AFG2A: variants seen among roughly 807,000 people sequenced by gnomAD.
The protein encoded by AFG2A is ATPase family gene 2 protein homolog A.
chr4:123,038,871 T>C, the AFG2A span, among the ~76,000 whole-genome samples: 2 of 152,144 alleles, frequency 1.3e-5, no homozygotes, highest in African/African-American at 4.8e-5. Context: ...CCACAGGTCC[T>C]GTAGTCCACC....
the AFG2A span, among the ~76,000 whole-genome samples, chr4:123,266,322 T>C: frequency 6.6e-6 from 1 of 151,938 alleles, no homozygotes. Flanking sequence ...ATAAGAGAGG[T>C]CCTTAACTTC....
At chr4:123,210,764 G>A in the AFG2A span, among the ~76,000 whole-genome samples, 2 of 152,028 alleles carry the variant, frequency 1.3e-5, no homozygotes, top group Non-Finnish European at 2.9e-5. Flanking sequence ...AGGACCCTCT[G>A]TGCTGTTTTC....
chr4:123,148,283 G>A, the AFG2A span, among the ~76,000 whole-genome samples: 41 of 152,284 alleles, frequency 2.7e-4, no homozygotes, highest in African/African-American at 9.6e-4. Context: ...AGCTACGTGT[G>A]CATAATGATT....
At chr4:123,095,241 G>A in the AFG2A span, among the ~76,000 whole-genome samples, 2 of 151,596 alleles carry the variant, frequency 1.3e-5, no homozygotes, top group African/African-American at 4.8e-5. Context: ...TTATAAAAAA[G>A]TTTAATATTT....
the AFG2A span, among the ~76,000 whole-genome samples, chr4:122,997,224 A>G: frequency 6.6e-6 from 1 of 152,170 alleles, no homozygotes; most frequent in African/African-American, 2.4e-5. Context: ...GGTCTTTAGT[A>G]TATCTATGGA....
chr4:123,238,148 T>G, the AFG2A span, among the ~76,000 whole-genome samples: 27 of 152,136 alleles, frequency 1.8e-4, no homozygotes, highest in Non-Finnish European at 1.8e-4. Context: ...TTGCTGAAGC[T>G]TAAGTAGGTA....
the AFG2A span, among the ~76,000 whole-genome samples, chr4:123,153,935 A>G: frequency 2.0e-5 from 3 of 152,208 alleles, no homozygotes; most frequent in Admixed American, 2.0e-4. Context: ...TAAAGAAAAA[A>G]CTGTTAATCT....
At chr4:123,220,511 G>A in the AFG2A span, among the ~76,000 whole-genome samples, 1 of 151,080 alleles carries the variant, frequency 6.6e-6, no homozygotes, top group Non-Finnish European at 1.5e-5. Flanking sequence ...CTGCTTGGGA[G>A]GCTGAGACAA....
the AFG2A span, among the ~76,000 whole-genome samples, chr4:123,281,371 A>G: frequency 2.0e-5 from 3 of 152,166 alleles, no homozygotes; most frequent in South Asian, 2.1e-4. Flanking sequence ...ATAACACTGG[A>G]TAAAGGGGGA....
the AFG2A span, among the ~76,000 whole-genome samples, chr4:122,999,059 C>G: frequency 1.3e-5 from 2 of 149,652 alleles, no homozygotes; most frequent in Non-Finnish European, 3.0e-5. Context: ...TCTCTGATGG[C>G]CAGTGATGGT....
chr4:122,951,379 C>T, the AFG2A span, among the ~76,000 whole-genome samples: 9 of 151,684 alleles, frequency 5.9e-5, no homozygotes, highest in African/African-American at 2.2e-4. Flanking sequence ...GGTCCTGGAA[C>T]CGATACCCCA....
At chr4:123,096,386 T>C in the AFG2A span, among the ~76,000 whole-genome samples, 3 of 152,106 alleles carry the variant, frequency 2.0e-5, no homozygotes, top group Non-Finnish European at 4.4e-5. Flanking sequence ...AATTTATTAA[T>C]GATGCCCAAA....
chr4:123,103,299 G>T, the AFG2A span, among the ~76,000 whole-genome samples: 1 of 152,078 alleles, frequency 6.6e-6, no homozygotes, highest in Non-Finnish European at 1.5e-5. Context: ...GAGGACTGGG[G>T]AGCGGAGAGC....
the AFG2A span, among the ~76,000 whole-genome samples, chr4:122,946,108 T>G: frequency 1.3e-5 from 2 of 152,244 alleles, no homozygotes; most frequent in Non-Finnish European, 2.9e-5. Flanking sequence ...GAGAATCATG[T>G]ATAAAATAGT....
chr4:123,133,707 C>T, the AFG2A span, among the ~76,000 whole-genome samples: 1 of 152,068 alleles, frequency 6.6e-6, no homozygotes, highest in Admixed American at 6.6e-5. Context: ...TACAATATCA[C>T]TTTATATTGT....
At chr4:122,982,385 A>G in the AFG2A span, among the ~76,000 whole-genome samples, 6 of 152,122 alleles carry the variant, frequency 3.9e-5, no homozygotes, top group African/African-American at 1.4e-4. Flanking sequence ...TTAATGTGCT[A>G]TTGAATTTGG....
chr4:123,231,034 A>G, the AFG2A span, among the ~76,000 whole-genome samples: 1 of 151,986 alleles, frequency 6.6e-6, no homozygotes, highest in South Asian at 2.1e-4. Flanking sequence ...GCATATTCTT[A>G]AGAGCCCTAG....
chr4:123,075,987 A>AG, the AFG2A span, among the ~76,000 whole-genome samples: 1,281 of 135,160 alleles, frequency 9.5e-3, 48 homozygotes, highest in East Asian at 0.16. Context: ...AAAAAAAAAA[A>AG]CAAAAAAAAA....
chr4:123,265,888 C>T, the AFG2A span, among the ~76,000 whole-genome samples: 1 of 152,104 alleles, frequency 6.6e-6, no homozygotes, highest in East Asian at 1.9e-4. Context: ...AATTCTCAGT[C>T]TCTCTATTTC....
Sources: gnomAD v4.1 joint callset for allele counts (sites outside exome capture counted in the v4.1 genomes callset) on GRCh38, gnomAD v4.1.1 for gene constraint, MANE v1.5 for transcripts, NCBI Gene and HGNC (gene_info 2026-07-23, HGNC 2026-07-21) for gene names.